HEXD: variants seen among roughly 807,000 people sequenced by gnomAD.
HEXD encodes the protein N-acetyl-beta-galactosaminidase.
In HEXD, 47 loss-of-function variants were observed where a neutral mutation model predicts 54.2. That is an observed-to-expected ratio of 0.87 (90% CI 0.69 to 1.11). The LOEUF is 1.11. Among genes scored for constraint, HEXD ranks in the 50% least tolerant of loss-of-function variants. The pLI is 0.00. For missense variants in HEXD, 576 were observed against 649.2 expected (o/e 0.89, Z 1.23); for synonymous variants, 293 against 287.6 (o/e 1.02, Z -0.19).
At chr17:82,439,895 C>G in intron 9 of HEXD, 182 bp downstream of exon 9, 1 of 1,530,750 alleles carries the variant, frequency 6.5e-7, no homozygotes, top group Non-Finnish European at 8.7e-7. Flanking sequence ...CAGGCTGGGC[C>G]TGTGTCTGGG....
intron 4 of HEXD, among the ~76,000 whole-genome samples, chr17:82,432,808 A>C (rs1258486378): frequency 1.3e-5 from 2 of 151,834 alleles, no homozygotes; most frequent in East Asian, 1.9e-4. Context: ...TCACGCCTGT[A>C]ATCCCAGCAC....
chr17:82,425,588 T>C (rs1004656846), intron 3 of HEXD: 1 of 152,310 alleles, frequency 6.6e-6, no homozygotes, highest in African/African-American at 2.4e-5. Flanking sequence ...TCTGTGAAAA[T>C]CAATAACGGC....
At chr17:82,422,569 A>G (rs1249659512) in intron 2 of HEXD, among the ~76,000 whole-genome samples, 1 of 152,248 alleles carries the variant, frequency 6.6e-6, no homozygotes, top group Non-Finnish European at 1.5e-5. Flanking sequence ...GAGCTCAGAA[A>G]TGAATTATAA....
rs1381082867 is a variant in HEXD, at chr17:82,439,626, C to T, written c.900-5C>T. 52 of 1,540,538 alleles carry T rather than the reference C, an allele frequency of 3.4e-5. No homozygotes were observed. Among genetic ancestry groups the T allele is most frequent in the Non-Finnish European group, 4.0e-5 (46 of 1,142,288 alleles). On this transcript the variant is annotated splice_region_variant and splice_polypyrimidine_tract_variant and intron_variant, in intron 8 of 12. Transcript: ENST00000327949. ...CGGAGCTAAGCGCCCCTCTCATGGA[C>T]CCAGGTACGACCACTACTCTGTGCT...
rs989916572 is a variant in HEXD, at chr17:82,435,603, C to T, written c.448-86C>T. ...CTCCTCCCCACAGGCAGCGGCCCCTCTCCGTCAGGGCACGGCGTGAACCCC... is the reference window on the plus strand; with the variant it reads ...CTCCTCCCCACAGGCAGCGGCCCCTTTCCGTCAGGGCACGGCGTGAACCCC... On this transcript the variant is annotated intron_variant, in intron 5 of 12. Transcript: ENST00000327949. 2.1e-6 allele frequency: 3 copies of T among 1,400,346 alleles called. No homozygotes were observed. In the East Asian group the frequency reaches 7.1e-5, roughly 33 times the overall value. The allele number at this position is 1,400,346 out of a possible 1,614,324, so 86.7% of individuals were successfully genotyped here.
At chr17:82,433,077 G>GAAGAAAAA (rs1420632605) in intron 4 of HEXD, among the ~76,000 whole-genome samples, 1 of 7,836 alleles carries the variant, frequency 1.3e-4, no homozygotes, top group African/African-American at 7.4e-4. Context: ...AAAAAAAAAA[G>GAAGAAAAA]AAAAAAAAAA....
At chr17:82,429,483 T>C (rs1277720109) in intron 4 of HEXD, among the ~76,000 whole-genome samples, 1 of 152,026 alleles carries the variant, frequency 6.6e-6, no homozygotes, top group African/African-American at 2.4e-5. Context: ...CACAGCTCGG[T>C]CCTCCAGCCT....
At chr17:82,433,995 T>C (rs926188236) in intron 5 of HEXD, among the ~76,000 whole-genome samples, 173 bp downstream of exon 5, 3 of 152,218 alleles carry the variant, frequency 2.0e-5, no homozygotes, top group South Asian at 4.1e-4. Context: ...CGGGACAGCC[T>C]GCGGAGCCCG....
At chr17:82,431,160 A>G (rs889288561) in intron 4 of HEXD, among the ~76,000 whole-genome samples, 20 of 114,196 alleles carry the variant, frequency 1.8e-4, no homozygotes, top group Non-Finnish European at 3.0e-4. Flanking sequence ...GTGCCACCAT[A>G]CCCGGCCAGT....
At chr17:82,433,566 A>G in intron 4 of HEXD, 92 bp from the exon 5 acceptor site, 1 of 1,316,592 alleles carries the variant, frequency 7.6e-7, no homozygotes, top group Non-Finnish European at 1.0e-6. Context: ...TTTTTGTATT[A>G]TCTGTAGATT....
intron 4 of HEXD, 36 bp from the exon 5 acceptor site, chr17:82,433,622 T>C (rs2053673842): frequency 2.0e-6 from 3 of 1,510,316 alleles, no homozygotes; most frequent in African/African-American, 1.4e-5. Flanking sequence ...GTCCAGCTCC[T>C]CCGCCCCCAA....
chr17:82,436,022 G>A (rs191708750), intron 6 of HEXD, 150 bp downstream of exon 6: 36 of 782,098 alleles, frequency 4.6e-5, no homozygotes, highest in Non-Finnish European at 2.2e-5. Flanking sequence ...TCCCCTTGAC[G>A]CCAGGCCTGA....
In HEXD at chr17:82,439,561, G is replaced by A. The variant is rs558965256; in HGVS notation, c.900-70G>A. 3.8e-5 allele frequency: 57 copies of A among 1,496,878 alleles called. No homozygotes were observed. In the East Asian group the frequency reaches 7.6e-4, roughly 20 times the overall value. The allele number at this position is 1,496,878 out of a possible 1,614,324, so 92.7% of individuals were successfully genotyped here. On this transcript the variant is annotated intron_variant, in intron 8 of 12. Coordinates refer to ENST00000327949, the MANE Select transcript of HEXD (RefSeq NM_001330542.2). ...CCCTGGAACAACAGCAGGGACGTCC[G>A]AAGTCAGGGCGCCTGCGTCAGGCTG... is the stretch of plus-strand genomic sequence containing the variant.
chr17:82,436,305 T>G (rs1375304379), intron 6 of HEXD, among the ~76,000 whole-genome samples: 2 of 152,354 alleles, frequency 1.3e-5, no homozygotes, highest in African/African-American at 4.8e-5. Context: ...CGAGGCTCAG[T>G]GAGCTCCATA....
At chr17:82,439,458 C>T (rs2053864355) in intron 8 of HEXD, 173 bp from the exon 9 acceptor site, 2 of 985,298 alleles carry the variant, frequency 2.0e-6, no homozygotes, top group South Asian at 4.7e-5. Context: ...AGCCCTGCCG[C>T]ACAGAACCTG....
At chr17:82,433,095 T>A (rs1209621150) in intron 4 of HEXD, among the ~76,000 whole-genome samples, 3,817 of 13,006 alleles carry the variant, frequency 0.29, 866 homozygotes, top group East Asian at 0.8. Context: ...AAAAAAAATA[T>A]ATATATATAT....
intron 3 of HEXD, among the ~76,000 whole-genome samples, 199 bp from the exon 4 acceptor site, chr17:82,428,359 C>T (rs186714454): frequency 3.1e-4 from 47 of 152,278 alleles, no homozygotes; most frequent in Middle Eastern, 6.8e-3. Context: ...TACTTGAGGA[C>T]GTGCTAGAAC....
intron 4 of HEXD, among the ~76,000 whole-genome samples, chr17:82,428,930 A>G (rs977155356): frequency 6.6e-6 from 1 of 152,148 alleles, no homozygotes; most frequent in Non-Finnish European, 1.5e-5. Context: ...GAATATTATT[A>G]TGTGAGGTAA....
chr17:82,433,056 ACTC>A (rs2053628010), intron 4 of HEXD, among the ~76,000 whole-genome samples: 1 of 98,774 alleles, frequency 1.0e-5, no homozygotes, highest in Non-Finnish European at 2.0e-5. Context: ...GCAGAGCAAG[ACTC>A]CATCTCAAAA....
Sources: gnomAD v4.1 joint callset for allele counts (sites outside exome capture counted in the v4.1 genomes callset) on GRCh38, gnomAD v4.1.1 for gene constraint, MANE v1.5 for transcripts, NCBI Gene and HGNC (gene_info 2026-07-23, HGNC 2026-07-21) for gene names.